MMRN1: variants seen among roughly 807,000 people sequenced by gnomAD.
MMRN1 encodes multimerin 1, also known as multimerin-1.
A neutral mutation model predicts 100.7 loss-of-function variants in MMRN1; 94 were observed. The observed-to-expected ratio is 0.93, with a 90% CI of 0.79 to 1.11. The LOEUF is 1.11. MMRN1 is among the 50% of genes least tolerant of loss of function. The pLI is 0.00. For synonymous variants in MMRN1, 575 were observed against 505.0 expected, an observed-to-expected ratio of 1.14 and a Z score of -1.86; for missense variants, 1,606 against 1,439.1, an observed-to-expected ratio of 1.12 and a Z score of -1.88.
chr4:89,910,418 A>T (rs572622344), intron 2 of MMRN1, among the ~76,000 whole-genome samples: 1 of 151,426 alleles, frequency 6.6e-6, no homozygotes, highest in Non-Finnish European at 1.5e-5. Context: ...TAAACAAACC[A>T]TAAGTATTTA....
chr4:89,909,694 C>G (rs1437178942), intron 2 of MMRN1, among the ~76,000 whole-genome samples: 1 of 150,950 alleles, frequency 6.6e-6, no homozygotes, highest in Non-Finnish European at 1.5e-5. Flanking sequence ...ATTACTTTTA[C>G]TCTATATCTG....
At chr4:89,919,461 T>G (rs183216676) in intron 3 of MMRN1, among the ~76,000 whole-genome samples, 4 of 151,864 alleles carry the variant, frequency 2.6e-5, no homozygotes, top group Non-Finnish European at 5.9e-5. Context: ...ATTATACAAA[T>G]TTGTAGGATT....
At position 89,953,620 on chromosome 4, in the gene MMRN1, C is replaced by A; in HGVS notation, c.*202C>A. On this transcript the variant is annotated 3_prime_UTR_variant, in exon 8 of 8. Transcript: ENST00000264790. ...GTCTGAATATGAAAGAGTTCTTGAT[C>A]CTAAAGAAATTTAGTGGCACAGAAA... 1 of 416,636 alleles carries A rather than the reference C, an allele frequency of 2.4e-6. No homozygotes were observed. The highest frequency in any genetic ancestry group is 4.1e-6 in the Non-Finnish European group (1 of 241,650). The allele number at this position is 416,636 out of a possible 1,614,324, so 25.8% of individuals were successfully genotyped here.
intron 6 of MMRN1, among the ~76,000 whole-genome samples, chr4:89,945,830 A>G (rs1425792735): frequency 6.6e-6 from 1 of 152,178 alleles, no homozygotes; most frequent in Non-Finnish European, 1.5e-5. Context: ...GGTTGAGGAA[A>G]AAAGATCCCA....
At chr4:89,952,268 T>C (rs1433511418) in intron 7 of MMRN1, among the ~76,000 whole-genome samples, 1 of 152,198 alleles carries the variant, frequency 6.6e-6, no homozygotes, top group Admixed American at 6.5e-5. Context: ...ATGGCTTTTT[T>C]ATTTATTTAA....
chr4:89,904,717 T>C (rs941643768), intron 1 of MMRN1, among the ~76,000 whole-genome samples: 1 of 151,734 alleles, frequency 6.6e-6, no homozygotes, highest in Admixed American at 6.6e-5. Context: ...ACCTTTCTGT[T>C]ATTGTGATAC....
At chr4:89,888,149 TC>T (rs1197390860) in intron 1 of MMRN1, among the ~76,000 whole-genome samples, 4 of 152,010 alleles carry the variant, frequency 2.6e-5, no homozygotes. Context: ...CTCCATTCAT[TC>T]TTGTCAATCT....
chr4:89,893,590 T>C (rs1721103329), upstream of MMRN1, among the ~76,000 whole-genome samples: 1 of 152,150 alleles, frequency 6.6e-6, no homozygotes, highest in Non-Finnish European at 1.5e-5. Flanking sequence ...AATGACTGAA[T>C]ATTTAGCAAG....
At chr4:89,893,307 A>T (rs1721096360), upstream of MMRN1, among the ~76,000 whole-genome samples, 1 of 152,046 alleles carries the variant, frequency 6.6e-6, no homozygotes, top group Non-Finnish European at 1.5e-5. Flanking sequence ...TAGTTTAAAT[A>T]AATACTCTCT....
Position 89,895,126 on chromosome 4 carries a change from T to A in MMRN1, c.155T>A (p.Leu52Ter), listed in dbSNP as rs1721149703. The A allele has an allele frequency of 6.2e-7, 1 of 1,613,820 alleles. No homozygotes were observed. The highest frequency in any genetic ancestry group is 8.5e-7 in the Non-Finnish European group (1 of 1,179,896). Residue 52 changes from leucine to a stop codon, truncating the protein, a stop_gained, in exon 1 of 8, where the codon TTG (leucine) becomes TAG (stop). Transcript: ENST00000264790. LOFTEE classifies it high-confidence loss of function. Reference protein sequence around the residue: ...ASVPPNKIQSLQILPTTRVMS... With the variant: ...ASVPPNKIQS ...GTTCCTCCAAATAAAATACAAAGTT[T>A]GCAAATACTGCCAACCACTCGGGTC...
intron 1 of MMRN1, among the ~76,000 whole-genome samples, chr4:89,896,683 C>G (rs1295773122): frequency 6.6e-6 from 1 of 151,938 alleles, no homozygotes; most frequent in Non-Finnish European, 1.5e-5. Context: ...GTTGACACAC[C>G]TGCTATGTGA....
intron 3 of MMRN1, 146 bp from the exon 4 acceptor site, chr4:89,923,022 C>A (rs1722138481): frequency 6.2e-6 from 4 of 648,804 alleles, no homozygotes; most frequent in Non-Finnish European, 1.1e-5. Flanking sequence ...TGGTTGGGGG[C>A]GGAGCAGCTT....
chr4:89,939,175 CT>C (rs2110641027), intron 6 of MMRN1, among the ~76,000 whole-genome samples: 1 of 152,154 alleles, frequency 6.6e-6, no homozygotes, highest in East Asian at 1.9e-4. Context: ...GTGGGACACA[CT>C]GTTTAAATTT....
intron 1 of MMRN1, among the ~76,000 whole-genome samples, chr4:89,887,136 G>C: frequency 6.6e-6 from 1 of 151,966 alleles, no homozygotes; most frequent in Middle Eastern, 3.2e-3. Flanking sequence ...AAAAATTATT[G>C]ATGAAAGCAG....
At chr4:89,885,828 C>CA (rs1346692455) in intron 1 of MMRN1, among the ~76,000 whole-genome samples, 3 of 151,852 alleles carry the variant, frequency 2.0e-5, no homozygotes, top group Non-Finnish European at 4.4e-5. Context: ...TTAATTTTTA[C>CA]AAAAAATCAA....
At position 89,934,924 on chromosome 4, in the gene MMRN1, G is replaced by T. The variant is rs181794892; in HGVS notation, c.1244G>T (p.Ser415Ile). 33 of 1,613,614 alleles carry T rather than the reference G, an allele frequency of 2.0e-5. No homozygotes were observed. The Admixed American group carries it at 4.3e-4, about 21-fold the overall frequency. ...GCACAGCTCTTCAAGACTGTATCAA[G>T]TCTATCAGAGGACCTCGAAAGCACC... ...TVAQLFKTVS[S>I]LSEDLESTRQ... The change falls in exon 6 of 8, where the codon AGT (serine) becomes ATT (isoleucine). Residue 415 changes from serine to isoleucine, a missense_variant. Ser to Ile is a moderately radical substitution (Grantham distance 142). Coordinates refer to ENST00000264790, the MANE Select transcript of MMRN1 (RefSeq NM_007351.3).
chr4:89,936,871 G>T lies in MMRN1; in HGVS notation c.3118+73G>T. On this transcript the variant is annotated intron_variant, in intron 6 of 7. Coordinates refer to ENST00000264790, the MANE Select transcript of MMRN1 (RefSeq NM_007351.3). ...TGATATTTAATAGATCTGTACAGTT[G>T]AGCAAGACCATTAAACATAAAACTA... 4 of 1,359,432 alleles carry T rather than the reference G, an allele frequency of 2.9e-6. No individual in the cohort carries two copies. The South Asian group carries it at 6.1e-5, about 21-fold the overall frequency. 84.2% of individuals were successfully genotyped at this position (1,359,432 alleles called of 1,614,324 possible).
intron 5 of MMRN1, among the ~76,000 whole-genome samples, chr4:89,933,378 C>A (rs1722502007): frequency 6.6e-6 from 1 of 152,150 alleles, no homozygotes; most frequent in African/African-American, 2.4e-5. Flanking sequence ...CTGCCCGTTA[C>A]CCAGTTCCAA....
At chr4:89,893,268 G>T (rs1347460051), upstream of MMRN1, among the ~76,000 whole-genome samples, 1 of 151,946 alleles carries the variant, frequency 6.6e-6, no homozygotes, top group East Asian at 1.9e-4. Flanking sequence ...CTCCATATCA[G>T]AGTCGATTGG....
Sources: allele counts gnomAD v4.1 joint callset (sites outside exome capture counted in the v4.1 genomes callset), GRCh38; gene constraint gnomAD v4.1.1; transcripts MANE v1.5; gene names NCBI Gene and HGNC (gene_info 2026-07-23, HGNC 2026-07-21).